Variants in TAFA2 observed in about 807,000 individuals in gnomAD.
TAFA2 encodes the protein chemokine-like protein TAFA-2.
Under a neutral mutation model 18.8 loss-of-function variants are expected in TAFA2, and 7 were observed. The observed-to-expected ratio is 0.37, with a 90% CI of 0.21 to 0.70. TAFA2 has a LOEUF of 0.70. Ranked by LOEUF, TAFA2 falls within the 30% of genes least tolerant of loss-of-function variation. TAFA2 has a pLI of 0.53. For missense variants in TAFA2, 122 were observed against 158.1 expected (o/e 0.77, Z 1.23); for synonymous variants, 60 against 54.2 (o/e 1.11, Z -0.47).
At chr12:62,104,060 T>C (rs1869334929) in intron 1 of TAFA2, among the ~76,000 whole-genome samples, 1 of 152,162 alleles carries the variant, frequency 6.6e-6, no homozygotes, top group African/African-American at 2.4e-5. Context: ...CAATGCCAAG[T>C]TTAACATTTT....
intron 1 of TAFA2, among the ~76,000 whole-genome samples, chr12:61,876,873 A>C (rs557018469): frequency 6.6e-6 from 1 of 152,196 alleles, no homozygotes; most frequent in East Asian, 1.9e-4. Context: ...AATTATGTGC[A>C]CTAGCGTTAA....
intron 1 of TAFA2, among the ~76,000 whole-genome samples, chr12:61,893,684 T>C (rs1377648443): frequency 6.6e-6 from 1 of 152,190 alleles, no homozygotes; most frequent in African/African-American, 2.4e-5. Context: ...ACTCCAAAGA[T>C]ACACGTACAT....
At chr12:62,031,918 A>T (rs949398518) in intron 1 of TAFA2, among the ~76,000 whole-genome samples, 42 of 152,214 alleles carry the variant, frequency 2.8e-4, no homozygotes, top group African/African-American at 9.4e-4. Flanking sequence ...AGTTTATCCG[A>T]TAAGAAAATT....
chr12:62,132,740 G>A (rs1035897101), intron 1 of TAFA2, among the ~76,000 whole-genome samples: 2 of 151,862 alleles, frequency 1.3e-5, no homozygotes, highest in African/African-American at 2.4e-5. Context: ...TAATTCAGAT[G>A]CCAGATCACC....
At chr12:61,791,179 TCTTTTGGCATATAC>T (rs1870962492) in intron 2 of TAFA2, among the ~76,000 whole-genome samples, 1 of 151,814 alleles carries the variant, frequency 6.6e-6, no homozygotes, top group South Asian at 2.1e-4. Flanking sequence ...TGGACATGTA[TCTTTTGGCATATAC>T]AAAACTCAAC....
rs193236941 is a variant in TAFA2 at position 62,035,409 on chromosome 12, T to C, written c.-2+155850A>G. 2.2e-3 allele frequency among the ~76,000 whole-genome samples: 338 copies of C among 152,252 alleles called. 2 individuals carry two copies. The highest frequency in any genetic ancestry group is 7.9e-3 in the African/African-American group (329 of 41,544). ...ACATAGCGCTCTAAGGGGAAAGCAA[T>C]CTAACCCAGTGGGAGAAGTATGGGA... On this transcript the variant is annotated intron_variant, in intron 1 of 4. Transcript: ENST00000416284.
At chr12:62,158,096 T>C (rs1288090281) in intron 1 of TAFA2, among the ~76,000 whole-genome samples, 3 of 152,198 alleles carry the variant, frequency 2.0e-5, no homozygotes, top group Non-Finnish European at 2.9e-5. Context: ...AAAAAGTCAA[T>C]ACATTCATGG....
chr12:62,205,488 C>T (rs1489647637), intron 1 of TAFA2, among the ~76,000 whole-genome samples: 2 of 152,240 alleles, frequency 1.3e-5, no homozygotes, highest in African/African-American at 4.8e-5. Flanking sequence ...GCAGTTCCAT[C>T]CCAGTGATAT....
chr12:61,766,376 A>C (rs1869790690), intron 2 of TAFA2, among the ~76,000 whole-genome samples: 1 of 152,090 alleles, frequency 6.6e-6, no homozygotes. Context: ...TCAGAGTCTT[A>C]TACAAAGCAT....
chr12:61,911,816 G>A (rs1376988174), intron 1 of TAFA2, among the ~76,000 whole-genome samples: 1 of 152,078 alleles, frequency 6.6e-6, no homozygotes, highest in African/African-American at 2.4e-5. Context: ...TAATAGCCAG[G>A]AAACAAGAAT....
intron 1 of TAFA2, among the ~76,000 whole-genome samples, chr12:62,154,524 C>T (rs577970206): frequency 1.5e-4 from 23 of 152,034 alleles, no homozygotes; most frequent in Non-Finnish European, 2.8e-4. Context: ...AATGAATAGG[C>T]CACTAATAGT....
intron 1 of TAFA2, among the ~76,000 whole-genome samples, chr12:61,951,539 G>A (rs924951964): frequency 6.6e-6 from 1 of 152,048 alleles, no homozygotes; most frequent in Non-Finnish European, 1.5e-5. Flanking sequence ...TAATGTCATG[G>A]TAAAGATGGG....
intron 4 of TAFA2, chr12:61,720,917 A>T (rs1257527804): frequency 1.9e-6 from 1 of 518,058 alleles, no homozygotes; most frequent in East Asian, 5.5e-5. Flanking sequence ...AGAGTTTTAC[A>T]CGTTTGCCTA....
chr12:61,815,794 A>T (rs950296855), intron 2 of TAFA2, among the ~76,000 whole-genome samples: 4 of 151,538 alleles, frequency 2.6e-5, no homozygotes, highest in South Asian at 2.1e-4. Flanking sequence ...GCTAGAGGCT[A>T]GATAAAATTT....
intron 4 of TAFA2, 96 bp downstream of exon 4, chr12:61,753,526 C>G (rs1869117977): frequency 8.8e-7 from 1 of 1,142,456 alleles, no homozygotes; most frequent in African/African-American, 1.6e-5. Flanking sequence ...CTATACTCTT[C>G]CATTCCACAA....
chr12:62,063,855 G>GACACACACACACACACAC (rs3031045), intron 1 of TAFA2, among the ~76,000 whole-genome samples: 1 of 147,922 alleles, frequency 6.8e-6, no homozygotes, highest in African/African-American at 2.5e-5. Context: ...AGGGTGGCTG[G>GACACACACACACACACAC]ACACACACAC....
intron 1 of TAFA2, among the ~76,000 whole-genome samples, chr12:62,028,294 T>C (rs958936766): frequency 6.6e-6 from 1 of 152,128 alleles, no homozygotes; most frequent in African/African-American, 2.4e-5. Context: ...GACTAGTACC[T>C]AGACTCAAGA....
chr12:61,986,380 T>C (rs940312773), intron 1 of TAFA2, among the ~76,000 whole-genome samples: 3 of 151,694 alleles, frequency 2.0e-5, no homozygotes, highest in Non-Finnish European at 4.4e-5. Context: ...GCCAGGCTGG[T>C]CTAGAACTCC....
chr12:61,981,968 C>T, intron 1 of TAFA2, among the ~76,000 whole-genome samples: 1 of 152,112 alleles, frequency 6.6e-6, no homozygotes, highest in Non-Finnish European at 1.5e-5. Context: ...ATAAATCATG[C>T]TAGTATAAAG....
Sources: gnomAD v4.1 joint callset for allele counts (sites outside exome capture counted in the v4.1 genomes callset) on GRCh38, gnomAD v4.1.1 for gene constraint, MANE v1.5 for transcripts, NCBI Gene and HGNC (gene_info 2026-07-23, HGNC 2026-07-21) for gene names.